The following AIG1 variants were observed in gnomAD, a reference collection of about 807,000 sequenced individuals.
AIG1 encodes androgen induced 1, also known as androgen-induced gene 1 protein.
In AIG1, 23 loss-of-function variants were observed where a neutral mutation model predicts 31.4. The observed-to-expected ratio is 0.73, with a 90% CI of 0.53 to 1.04. The LOEUF (loss-of-function observed/expected upper bound fraction) is 1.04, where lower values mean the gene tolerates loss of function less well. AIG1 is among the 50% of genes least tolerant of loss of function. AIG1 has a pLI of 0.00. For synonymous variants in AIG1, 100 were observed against 110.5 expected (o/e 0.90, Z 0.60); for missense variants, 274 against 295.0 (o/e 0.93, Z 0.52).
intron 3 of AIG1, among the ~76,000 whole-genome samples, chr6:143,217,548 G>A (rs767335498): frequency 8.6e-5 from 13 of 151,662 alleles, no homozygotes; most frequent in South Asian, 2.1e-4. Context: ...TCGCTCTGTC[G>A]CCCAGGCTGG....
At chr6:143,249,685 C>T (rs568053933) in intron 3 of AIG1, among the ~76,000 whole-genome samples, 5 of 152,262 alleles carry the variant, frequency 3.3e-5, no homozygotes, top group African/African-American at 9.6e-5. Context: ...TGATAGTTTG[C>T]GTTACTCAGA....
At chr6:143,105,741 A>G (rs1780745076) in intron 1 of AIG1, among the ~76,000 whole-genome samples, 1 of 152,266 alleles carries the variant, frequency 6.6e-6, no homozygotes, top group African/African-American at 2.4e-5. Context: ...GAACAAGGTC[A>G]GGCCCCTCAC....
At chr6:143,261,494 G>A (rs182504758) in intron 3 of AIG1, among the ~76,000 whole-genome samples, 1 of 152,328 alleles carries the variant, frequency 6.6e-6, no homozygotes, top group East Asian at 1.9e-4. Context: ...GGGGAGGTGT[G>A]TGAATACTGG....
intron 1 of AIG1, among the ~76,000 whole-genome samples, chr6:143,062,484 A>G (rs1007053354): frequency 2.0e-5 from 3 of 152,172 alleles, no homozygotes; most frequent in Non-Finnish European, 4.4e-5. Context: ...TTTAGCTTCC[A>G]GAAGATAGAT....
chr6:143,185,461 T>C (rs188908299), intron 3 of AIG1, among the ~76,000 whole-genome samples: 1 of 152,310 alleles, frequency 6.6e-6, no homozygotes, highest in African/African-American at 2.4e-5. Flanking sequence ...GCTGAGTGGT[T>C]GCAGAGCCCT....
intron 3 of AIG1, among the ~76,000 whole-genome samples, chr6:143,195,996 A>C (rs540130152): frequency 6.6e-6 from 1 of 152,120 alleles, no homozygotes; most frequent in Non-Finnish European, 1.5e-5. Flanking sequence ...GGGACAGATG[A>C]TTTTCCCCTC....
intron 2 of AIG1, among the ~76,000 whole-genome samples, chr6:143,147,918 C>T (rs1229018141): frequency 6.6e-6 from 1 of 152,162 alleles, no homozygotes; most frequent in African/African-American, 2.4e-5. Context: ...AAGGGCTATA[C>T]TGGAACGATT....
At chr6:143,128,571 A>G (rs1452650252) in intron 1 of AIG1, among the ~76,000 whole-genome samples, 6 of 152,236 alleles carry the variant, frequency 3.9e-5, no homozygotes, top group Non-Finnish European at 8.8e-5. Context: ...ATGGTTTGGA[A>G]GTGCCAGCTC....
rs916431948 is a variant in AIG1 at position 143,297,871 on chromosome 6, C to T, written c.515+13646C>T. ...TCTTTCTGGTAGCACTTTTATTCTTCCTTGCACAATGACGTATCCTTGGGC... is the reference window on the plus strand; with the variant it reads ...TCTTTCTGGTAGCACTTTTATTCTTTCTTGCACAATGACGTATCCTTGGGC... On this transcript the variant is annotated intron_variant, in intron 4 of 5. Transcript: ENST00000357847. This position sits in a 1 kb window ranked among gnomAD's most constrained non-coding sequence, Gnocchi z 5.1. 4.0e-5 allele frequency among the ~76,000 whole-genome samples: 6 copies of T among 151,764 alleles called. No homozygotes were observed. Among genetic ancestry groups the T allele is most frequent in the Middle Eastern group, 3.4e-3 (1 of 292 alleles).
intron 1 of AIG1, among the ~76,000 whole-genome samples, chr6:143,104,731 T>C (rs536684709): frequency 2.0e-5 from 3 of 151,900 alleles, no homozygotes; most frequent in Non-Finnish European, 4.4e-5. Context: ...AAGCTTCATC[T>C]CTACAAAAAT....
intron 4 of AIG1, among the ~76,000 whole-genome samples, chr6:143,307,581 T>C (rs908641803): frequency 6.6e-6 from 1 of 152,146 alleles, no homozygotes; most frequent in Admixed American, 6.5e-5. Flanking sequence ...GAGGAGTACC[T>C]GGCAGTGTGA....
rs1039805982 is a variant in AIG1, at chr6:143,330,432, T to C, written c.516-2850T>C. Among the ~76,000 whole-genome samples, 9 of 152,024 alleles carry C rather than the reference T, an allele frequency of 5.9e-5. No homozygotes were observed. The highest frequency in any genetic ancestry group is 2.2e-4 in the African/African-American group (9 of 41,370). On this transcript the variant is annotated intron_variant, in intron 4 of 5. Transcript: ENST00000357847. This position sits in a 1 kb window ranked among gnomAD's most constrained non-coding sequence, Gnocchi z 4.4. ...GTGGGGGTGGTGAGGAGTATTGTTC[T>C]GGGCAGGGGAATAATACAAAAGCCT...
intron 3 of AIG1, among the ~76,000 whole-genome samples, chr6:143,266,971 A>G (rs1231690568): frequency 6.6e-6 from 1 of 152,252 alleles, no homozygotes; most frequent in Non-Finnish European, 1.5e-5. Flanking sequence ...AAGCAGAGCC[A>G]AAAGAAGGAC....
chr6:143,196,095 T>G (rs564361390), intron 3 of AIG1, among the ~76,000 whole-genome samples: 1 of 152,274 alleles, frequency 6.6e-6, no homozygotes, highest in African/African-American at 2.4e-5. Context: ...GCTCAGAACT[T>G]TTTCCCAGCT....
chr6:143,240,082 A>G (rs905509099), intron 3 of AIG1, among the ~76,000 whole-genome samples: 1 of 152,222 alleles, frequency 6.6e-6, no homozygotes, highest in African/African-American at 2.4e-5. Flanking sequence ...GACATAGGCG[A>G]TGAAGGAACA....
chr6:143,176,801 G>A (rs577600737), intron 3 of AIG1, among the ~76,000 whole-genome samples: 79 of 152,374 alleles, frequency 5.2e-4, no homozygotes, highest in Middle Eastern at 3.4e-3. Context: ...AGCTGAGAAA[G>A]CAAGCCAACT....
rs141978164 is a variant in AIG1, at chr6:143,194,917, G to C, written c.399+29734G>C. Among the ~76,000 whole-genome samples, 500 of 152,358 alleles carry C rather than the reference G, an allele frequency of 3.3e-3. 6 individuals are homozygous for C. The highest frequency in any genetic ancestry group is 0.011 in the African/African-American group (475 of 41,580). ...AGAGGGAGAAGCCCCATTGTGAGCA[G>C]TACTACGGGGGAGTCCCTAGAAAGT... On this transcript the variant is annotated intron_variant, in intron 3 of 5. Transcript: ENST00000357847.
chr6:143,217,568 G>A (rs931737449), intron 3 of AIG1, among the ~76,000 whole-genome samples: 1 of 152,124 alleles, frequency 6.6e-6, no homozygotes, highest in African/African-American at 2.4e-5. Context: ...GAGTGGAGTG[G>A]TGTGATCTCT....
intron 5 of AIG1, 159 bp from the exon 6 acceptor site, chr6:143,339,480 C>T: frequency 1.6e-6 from 1 of 622,178 alleles, no homozygotes. Flanking sequence ...GCATGGCTTT[C>T]CTTCTTAGCT....
Sources: allele counts gnomAD v4.1 joint callset (sites outside exome capture counted in the v4.1 genomes callset), GRCh38; gene constraint gnomAD v4.1.1; non-coding constraint Gnocchi (gnomAD v3.1); transcripts MANE v1.5; gene names NCBI Gene and HGNC (gene_info 2026-07-23, HGNC 2026-07-21).